Variants in ZNF423 observed in about 807,000 individuals in gnomAD.
ZNF423 encodes the protein Ebf-associated zinc finger protein.
A neutral mutation model predicts 95.8 loss-of-function variants in ZNF423; 12 were observed. The ratio of observed to expected loss-of-function variants is 0.13; its 90% CI spans 0.08 to 0.20. The LOEUF (loss-of-function observed/expected upper bound fraction) is 0.20, where lower values mean the gene tolerates loss of function less well. Ranked by LOEUF, ZNF423 falls within the 10% of genes least tolerant of loss-of-function variation. The pLI is 1.00. For synonymous variants in ZNF423, 749 were observed against 711.9 expected (o/e 1.05, Z -0.83); for missense variants, 1,316 against 1,737.1 (o/e 0.76, Z 4.31).
intron 7 of ZNF423, among the ~76,000 whole-genome samples, chr16:49,512,732 G>A (rs1048076990): frequency 4.6e-5 from 7 of 152,166 alleles, no homozygotes; most frequent in African/African-American, 1.7e-4. Flanking sequence ...ACAACAACCC[G>A]AGGCAGCAGG....
chr16:49,701,754 T>C (rs1028496323), intron 3 of ZNF423, among the ~76,000 whole-genome samples: 1 of 152,244 alleles, frequency 6.6e-6, no homozygotes, highest in Non-Finnish European at 1.5e-5. Flanking sequence ...CCCTTCCCCG[T>C]TGCAGATTTT....
intron 5 of ZNF423, among the ~76,000 whole-genome samples, chr16:49,581,475 C>G (rs1383535046): frequency 2.6e-5 from 4 of 152,210 alleles, no homozygotes; most frequent in Non-Finnish European, 4.4e-5. Context: ...ACTGAAATCT[C>G]TGTCCCTTGG....
intron 5 of ZNF423, among the ~76,000 whole-genome samples, chr16:49,596,923 C>A (rs1037841055): frequency 1.5e-4 from 23 of 152,200 alleles, no homozygotes; most frequent in African/African-American, 5.3e-4. Context: ...CCATTCTGTT[C>A]CAGCAAGGGG....
intron 5 of ZNF423, among the ~76,000 whole-genome samples, chr16:49,576,037 G>GTA (rs1970487911): frequency 6.6e-6 from 1 of 152,164 alleles, no homozygotes; most frequent in Non-Finnish European, 1.5e-5. Context: ...AGAGACAGAG[G>GTA]GGCAGGGCTA....
chr16:49,791,305 C>T (rs1357959497), intron 1 of ZNF423, among the ~76,000 whole-genome samples: 55 of 152,166 alleles, frequency 3.6e-4, no homozygotes, highest in Admixed American at 3.5e-3. Flanking sequence ...ATCAAGACCT[C>T]GTGTCAGACA....
intron 3 of ZNF423, among the ~76,000 whole-genome samples, chr16:49,729,037 G>A (rs998848327): frequency 1.3e-5 from 2 of 152,114 alleles, no homozygotes; most frequent in Admixed American, 1.3e-4. Context: ...AGCCCGAAAT[G>A]CCACCATTCT....
intron 1 of ZNF423, among the ~76,000 whole-genome samples, chr16:49,800,575 G>C (rs1448229726): frequency 1.3e-5 from 2 of 150,050 alleles, no homozygotes; most frequent in African/African-American, 4.9e-5. Flanking sequence ...ACCTGGACAT[G>C]ACACACACAC....
chr16:49,852,311 G>A (rs1055024775), intron 1 of ZNF423, among the ~76,000 whole-genome samples: 2 of 152,194 alleles, frequency 1.3e-5, no homozygotes, highest in African/African-American at 4.8e-5. Flanking sequence ...ACAGGCAGTT[G>A]CTAGAGAGAG....
intron 1 of ZNF423, among the ~76,000 whole-genome samples, chr16:49,836,287 C>T (rs148010427): frequency 2.0e-5 from 3 of 152,072 alleles, no homozygotes; most frequent in Admixed American, 2.0e-4. Context: ...CAGGACTTGG[C>T]CTGGGACATC....
intron 1 of ZNF423, among the ~76,000 whole-genome samples, chr16:49,822,093 G>C (rs1016987432): frequency 6.6e-6 from 1 of 152,174 alleles, no homozygotes; most frequent in African/African-American, 2.4e-5. Flanking sequence ...CAGCACGTGG[G>C]CAGGATCTCC....
At chr16:49,801,109 C>T (rs1379559688) in intron 1 of ZNF423, among the ~76,000 whole-genome samples, 3 of 152,182 alleles carry the variant, frequency 2.0e-5, no homozygotes, top group Non-Finnish European at 4.4e-5. Context: ...TAAAACAGTC[C>T]CTCGCAGCTC....
At chr16:49,844,635 G>C (rs1453048602) in intron 1 of ZNF423, among the ~76,000 whole-genome samples, 2 of 152,162 alleles carry the variant, frequency 1.3e-5, no homozygotes, top group African/African-American at 4.8e-5. Context: ...TTTACTCATC[G>C]AGTCATTTAC....
At chr16:49,562,748 G>A (rs927513591) in intron 5 of ZNF423, among the ~76,000 whole-genome samples, 1 of 152,156 alleles carries the variant, frequency 6.6e-6, no homozygotes, top group Non-Finnish European at 1.5e-5. Context: ...AATAGCCAAC[G>A]TTCATTGGGT....
At chr16:49,804,112 T>A (rs1024845310) in intron 1 of ZNF423, among the ~76,000 whole-genome samples, 5 of 152,050 alleles carry the variant, frequency 3.3e-5, no homozygotes, top group Middle Eastern at 3.4e-3. Context: ...ATTTTGTATT[T>A]TTAGTAGAGA....
chr16:49,560,701 A>G (rs1341891785), intron 5 of ZNF423, among the ~76,000 whole-genome samples: 1 of 152,166 alleles, frequency 6.6e-6, no homozygotes, highest in Non-Finnish European at 1.5e-5. Flanking sequence ...GTATATTCCA[A>G]CTGCTGAAAT....
intron 3 of ZNF423, among the ~76,000 whole-genome samples, chr16:49,729,675 T>C (rs902039922): frequency 9.1e-5 from 13 of 143,120 alleles, no homozygotes; most frequent in Admixed American, 1.4e-4. Context: ...ATTATTATTA[T>C]TATTATTATT....
At chr16:49,572,882 T>A (rs1184300585) in intron 5 of ZNF423, among the ~76,000 whole-genome samples, 2 of 152,126 alleles carry the variant, frequency 1.3e-5, no homozygotes, top group Non-Finnish European at 2.9e-5. Context: ...GGCTCAATAG[T>A]CTCTTACAGA....
intron 3 of ZNF423, among the ~76,000 whole-genome samples, chr16:49,690,909 C>G (rs936860141): frequency 6.6e-6 from 1 of 152,140 alleles, no homozygotes; most frequent in Non-Finnish European, 1.5e-5. Context: ...GCCAGGAGGT[C>G]GGTGAGCAAA....
At chr16:49,805,163 G>A (rs1194533108) in intron 1 of ZNF423, among the ~76,000 whole-genome samples, 1 of 151,874 alleles carries the variant, frequency 6.6e-6, no homozygotes, top group African/African-American at 2.4e-5. Flanking sequence ...AGCCTCCCAA[G>A]ATCCCACAGC....
Sources: allele counts gnomAD v4.1 joint callset (sites outside exome capture counted in the v4.1 genomes callset), GRCh38; gene constraint gnomAD v4.1.1; transcripts MANE v1.5; gene names NCBI Gene and HGNC (gene_info 2026-07-23, HGNC 2026-07-21).